The following NRG1 variants were observed in gnomAD, a reference collection of about 807,000 sequenced individuals.
NRG1 encodes neuregulin 1, also known as pro-neuregulin-1, membrane-bound isoform.
In NRG1, 18 loss-of-function variants were observed where a neutral mutation model predicts 63.8. The ratio of observed to expected loss-of-function variants is 0.28; its 90% CI spans 0.19 to 0.42. The LOEUF (loss-of-function observed/expected upper bound fraction) is 0.42. NRG1 is among the 10% of genes least tolerant of loss of function. The pLI is 1.00. For missense variants in NRG1, 762 were observed against 814.7 expected (o/e 0.94, Z 0.79); for synonymous variants, 302 against 301.3 (o/e 1.00, Z -0.02).
intron 5 of NRG1, among the ~76,000 whole-genome samples, chr8:32,669,988 A>T (rs1805209031): frequency 6.6e-6 from 1 of 152,230 alleles, no homozygotes; most frequent in Non-Finnish European, 1.5e-5. Flanking sequence ...CTAGATGAAC[A>T]TTCAATTTCG....
chr8:31,862,912 C>T (rs1195603128), intron 1 of NRG1, among the ~76,000 whole-genome samples: 2 of 152,142 alleles, frequency 1.3e-5, no homozygotes, highest in African/African-American at 2.4e-5. Flanking sequence ...TCCTCCCGAG[C>T]CATATTGGTT....
intron 1 of NRG1, among the ~76,000 whole-genome samples, chr8:32,482,152 T>A (rs1180427967): frequency 6.6e-6 from 1 of 152,118 alleles, no homozygotes; most frequent in Non-Finnish European, 1.5e-5. Flanking sequence ...GAAAACTTAA[T>A]TTACCACATT....
intron 1 of NRG1, among the ~76,000 whole-genome samples, chr8:31,711,633 T>C (rs1364046836): frequency 6.6e-6 from 1 of 152,222 alleles, no homozygotes; most frequent in African/African-American, 2.4e-5. Flanking sequence ...TCTTTATGTC[T>C]CTCTGTTTTT....
intron 7 of NRG1, among the ~76,000 whole-genome samples, chr8:32,746,320 T>G (rs1827412284): frequency 6.6e-6 from 1 of 152,192 alleles, no homozygotes; most frequent in African/African-American, 2.4e-5. Context: ...TTGACAGAAC[T>G]CCTTTCGAAA....
At position 31,640,677 on chromosome 8, in the gene NRG1, G is replaced by C; in HGVS notation, c.37+1246G>C. 6.2e-7 allele frequency: 1 copy of C among 1,607,294 alleles called. No homozygotes were observed. The highest frequency in any genetic ancestry group is 1.1e-5 in the South Asian group (1 of 90,252). ...TCCGAGCCTCTTTCCCCCCTCTGGAGACGGGCCGGAACCTCAAGAAGGAGG... is the reference window on the plus strand; with the variant it reads ...TCCGAGCCTCTTTCCCCCCTCTGGACACGGGCCGGAACCTCAAGAAGGAGG... On this transcript the variant is annotated intron_variant, in intron 1 of 10. Transcript: ENST00000519301. This position sits in a 1 kb window ranked among gnomAD's most constrained non-coding sequence, Gnocchi z 6.3.
intron 1 of NRG1, among the ~76,000 whole-genome samples, chr8:32,430,841 T>C (rs778457256): frequency 3.3e-5 from 5 of 152,030 alleles, no homozygotes; most frequent in Non-Finnish European, 7.4e-5. Context: ...TCCCAATGTT[T>C]GTTAGTTTAA....
At position 31,908,509 on chromosome 8, in the gene NRG1, A is replaced by G. The variant is rs1832701505; in HGVS notation, c.37+269078A>G. Among the ~76,000 whole-genome samples the G allele has an allele frequency of 2.6e-5, 4 of 152,158 alleles. No homozygotes were observed. In the South Asian group the frequency reaches 8.3e-4, roughly 32 times the overall value. On this transcript the variant is annotated intron_variant, in intron 1 of 10. Transcript: ENST00000519301. ...TTGTCACCAGAAGCTGACACCAACA[A>G]TACACACTCACATTTAAAAAATGCC...
chr8:32,281,500 C>T (rs972601757), intron 1 of NRG1, among the ~76,000 whole-genome samples: 6 of 151,986 alleles, frequency 3.9e-5, no homozygotes, highest in Non-Finnish European at 8.8e-5. Flanking sequence ...TCCTCATCCT[C>T]CTCCCAACCT....
intron 1 of NRG1, among the ~76,000 whole-genome samples, chr8:31,653,253 G>A (rs1303315873): frequency 6.6e-6 from 1 of 151,898 alleles, no homozygotes; most frequent in African/African-American, 2.4e-5. Flanking sequence ...AAAAAATACT[G>A]ACTTGTGGCA....
At chr8:32,692,188 T>C (rs1032747532) in intron 5 of NRG1, among the ~76,000 whole-genome samples, 2 of 152,218 alleles carry the variant, frequency 1.3e-5, no homozygotes, top group Admixed American at 6.5e-5. Context: ...AAACTACCTA[T>C]TACATACATT....
intron 1 of NRG1, among the ~76,000 whole-genome samples, chr8:32,186,671 T>C (rs1842006104): frequency 6.6e-6 from 1 of 152,150 alleles, no homozygotes; most frequent in East Asian, 1.9e-4. Flanking sequence ...TCTCAGGCCC[T>C]ACCTAGAACC....
At chr8:32,575,751 G>A (rs1178819115) in intron 1 of NRG1, among the ~76,000 whole-genome samples, 1 of 152,124 alleles carries the variant, frequency 6.6e-6, no homozygotes, top group African/African-American at 2.4e-5. Context: ...GGTGAAACTT[G>A]GTCTGGGAAT....
chr8:31,924,350 CAA>C (rs5890605), intron 1 of NRG1, among the ~76,000 whole-genome samples: 1,604 of 145,676 alleles, frequency 0.011, 24 homozygotes, highest in African/African-American at 0.036. Context: ...GACTCCATCT[CAA>C]AAAAAAAAAA....
At chr8:31,903,419 G>A (rs1471689112) in intron 1 of NRG1, among the ~76,000 whole-genome samples, 1 of 151,726 alleles carries the variant, frequency 6.6e-6, no homozygotes, top group Non-Finnish European at 1.5e-5. Context: ...AAAGTGTTGG[G>A]ATTACAGACG....
intron 1 of NRG1, among the ~76,000 whole-genome samples, chr8:31,809,741 G>GTTTTTTTTTTTTTTTTT (rs753730069): frequency 2.9e-5 from 2 of 68,016 alleles, no homozygotes; most frequent in African/African-American, 6.6e-5. Context: ...TCTATTAATT[G>GTTTTTTTTTTTTTTTTT]TTTTTTTTTT....
At chr8:32,421,788 G>A (rs1816729130) in intron 1 of NRG1, among the ~76,000 whole-genome samples, 1 of 152,042 alleles carries the variant, frequency 6.6e-6, no homozygotes, top group African/African-American at 2.4e-5. Context: ...CAGCAGAGAG[G>A]AAAAACACCT....
At chr8:31,953,927 G>C (rs1803910720) in intron 1 of NRG1, among the ~76,000 whole-genome samples, 1 of 152,104 alleles carries the variant, frequency 6.6e-6, no homozygotes, top group Admixed American at 6.6e-5. Context: ...CTCTGATTTG[G>C]GGCAGGCTAC....
At chr8:32,186,236 G>A (rs1281020149) in intron 1 of NRG1, among the ~76,000 whole-genome samples, 1 of 152,102 alleles carries the variant, frequency 6.6e-6, no homozygotes, top group African/African-American at 2.4e-5. Context: ...AGGCTGAGGT[G>A]GGTGGTAATG....
intron 1 of NRG1, among the ~76,000 whole-genome samples, chr8:31,697,508 C>A (rs1810195293): frequency 6.6e-6 from 1 of 152,214 alleles, no homozygotes; most frequent in Non-Finnish European, 1.5e-5. Flanking sequence ...TATCCACCAA[C>A]TCCCAGCTGT....
Sources: gnomAD v4.1 joint callset for allele counts (sites outside exome capture counted in the v4.1 genomes callset) on GRCh38, gnomAD v4.1.1 for gene constraint, Gnocchi (gnomAD v3.1) non-coding constraint, MANE v1.5 for transcripts, NCBI Gene and HGNC (gene_info 2026-07-23, HGNC 2026-07-21) for gene names.